The following HYAL4 variants were observed in gnomAD, a reference collection of about 807,000 sequenced individuals.
HYAL4 encodes the protein hyaluronidase 4.
Under a neutral mutation model 35.2 loss-of-function variants are expected in HYAL4, and 37 were observed. The ratio of observed to expected loss-of-function variants is 1.05; its 90% confidence interval spans 0.81 to 1.38. The LOEUF is 1.38. HYAL4 is among the 40% of genes most tolerant of loss of function. The probability of loss-of-function intolerance (pLI) is 0.00; values close to 1 mark genes in which losing one functional copy is unlikely to be tolerated. For synonymous variants in HYAL4, 198 were observed against 203.2 expected, an observed-to-expected ratio of 0.97 and a Z score of 0.22; for missense variants, 572 against 572.4, an observed-to-expected ratio of 1.00 and a Z score of 0.01.
At chr7:123,797,979 A>T in the HYAL4 span, among the ~76,000 whole-genome samples, 1 of 152,244 alleles carries the variant, frequency 6.6e-6, no homozygotes. Flanking sequence ...ATTCCTCAAT[A>T]AGCAAGTCCA....
At chr7:123,824,653 TC>T (rs1214142242), upstream of HYAL4, among the ~76,000 whole-genome samples, 1 of 152,036 alleles carries the variant, frequency 6.6e-6, no homozygotes. Flanking sequence ...CCTTGAAACT[TC>T]CCCTTTACTT....
At chr7:123,849,194 A>C (rs1195239987) in intron 2 of HYAL4, among the ~76,000 whole-genome samples, 3 of 152,062 alleles carry the variant, frequency 2.0e-5, no homozygotes, top group Non-Finnish European at 4.4e-5. Context: ...ATAAAGTGAA[A>C]ATTTGAAAAA....
At chr7:123,832,476 ATACTTTTTTTTTTTTTTTTTTTTTTT>A (rs1479688771) in intron 1 of HYAL4, among the ~76,000 whole-genome samples, 3 of 58,442 alleles carry the variant, frequency 5.1e-5, no homozygotes, top group South Asian at 6.6e-4. Flanking sequence ...CTATTGTGTC[ATACTTTTTTTTTTTTTTTTTTTTTTT>A]TTTTTTTTTT....
intron 2 of HYAL4, among the ~76,000 whole-genome samples, chr7:123,857,959 G>A (rs1259659946): frequency 6.6e-6 from 1 of 152,004 alleles, no homozygotes; most frequent in Non-Finnish European, 1.5e-5. Flanking sequence ...CACTTTGGGA[G>A]GCTGAGGCAA....
chr7:123,864,112 G>A (rs1053488547), intron 2 of HYAL4, among the ~76,000 whole-genome samples: 5 of 152,136 alleles, frequency 3.3e-5, no homozygotes, highest in African/African-American at 7.2e-5. Context: ...TCTGGTCAGG[G>A]TAAGAAGATT....
At chr7:123,795,409 A>G in the HYAL4 span, among the ~76,000 whole-genome samples, 5 of 152,168 alleles carry the variant, frequency 3.3e-5, no homozygotes, top group Admixed American at 6.5e-5. Context: ...GTGGAATAAT[A>G]TGGTTTGGCT....
intron 2 of HYAL4, among the ~76,000 whole-genome samples, chr7:123,856,931 G>A (rs528787931): frequency 9.2e-5 from 14 of 152,256 alleles, no homozygotes; most frequent in Middle Eastern, 3.4e-3. Context: ...TGGCTTTGCC[G>A]AGCTGTGGTG....
the HYAL4 span, among the ~76,000 whole-genome samples, chr7:123,770,440 TAAAAA>T: frequency 0.011 from 1,257 of 118,502 alleles, 21 homozygotes; most frequent in African/African-American, 0.037. Context: ...AGACTCCATC[TAAAAA>T]AAAAAAAAAA....
At chr7:123,863,576 G>A (rs1180414459) in intron 2 of HYAL4, among the ~76,000 whole-genome samples, 3 of 152,178 alleles carry the variant, frequency 2.0e-5, no homozygotes, top group South Asian at 2.1e-4. Flanking sequence ...AAGCAGAGGC[G>A]TTCCTGTGAT....
At chr7:123,777,919 GT>G in the HYAL4 span, among the ~76,000 whole-genome samples, 37 of 141,256 alleles carry the variant, frequency 2.6e-4, no homozygotes, top group South Asian at 6.8e-4. Flanking sequence ...TTCTTCGTTA[GT>G]TTTTTTTTTT....
At chr7:123,812,075 C>T in the HYAL4 span, among the ~76,000 whole-genome samples, 1 of 151,988 alleles carries the variant, frequency 6.6e-6, no homozygotes, top group Non-Finnish European at 1.5e-5. Flanking sequence ...CTCCTGACCT[C>T]GTGATCTGCC....
intron 1 of HYAL4, among the ~76,000 whole-genome samples, chr7:123,838,509 G>T (rs900566589): frequency 2.0e-5 from 3 of 151,580 alleles, no homozygotes; most frequent in African/African-American, 4.8e-5. Context: ...TATAGTTTTT[G>T]TATGGCTTTT....
At chr7:123,840,661 A>C (rs567436118), upstream of HYAL4, among the ~76,000 whole-genome samples, 8 of 151,904 alleles carry the variant, frequency 5.3e-5, no homozygotes, top group South Asian at 8.3e-4. Context: ...CTTTTATTTC[A>C]TTGAGCAGTG....
At chr7:123,785,787 C>G in the HYAL4 span, among the ~76,000 whole-genome samples, 5 of 152,112 alleles carry the variant, frequency 3.3e-5, no homozygotes, top group African/African-American at 1.2e-4. This position sits in a 1 kb window ranked among gnomAD's most constrained non-coding sequence, Gnocchi z 4.5. Flanking sequence ...CATGGACAGC[C>G]TCAGTTGAGT....
the HYAL4 span, among the ~76,000 whole-genome samples, chr7:123,771,810 T>G: frequency 5.9e-5 from 9 of 151,488 alleles, no homozygotes; most frequent in Admixed American, 5.9e-4. Flanking sequence ...TGAGGTTTTT[T>G]TTTTTTTTTT....
At chr7:123,779,122 A>T in the HYAL4 span, among the ~76,000 whole-genome samples, 14 of 152,220 alleles carry the variant, frequency 9.2e-5, no homozygotes, top group Non-Finnish European at 1.0e-4. Flanking sequence ...ATTTCAACTA[A>T]ACTTTATTGT....
At chr7:123,769,974 A>C in the HYAL4 span, among the ~76,000 whole-genome samples, 1 of 152,078 alleles carries the variant, frequency 6.6e-6, no homozygotes, top group African/African-American at 2.4e-5. Flanking sequence ...TATTTTCGCC[A>C]AGTAAAGTTT....
At chr7:123,858,664 CAGA>C (rs1806512137) in intron 2 of HYAL4, among the ~76,000 whole-genome samples, 1 of 152,100 alleles carries the variant, frequency 6.6e-6, no homozygotes, top group Non-Finnish European at 1.5e-5. Context: ...TTGATAAGAA[CAGA>C]ATAGACATCA....
intron 2 of HYAL4, among the ~76,000 whole-genome samples, chr7:123,863,503 G>A (rs1230335355): frequency 1.3e-5 from 2 of 152,126 alleles, no homozygotes; most frequent in Admixed American, 1.3e-4. Context: ...TTAGGTTTTG[G>A]CTGAGTGACT....
Sources: gnomAD v4.1 joint callset for allele counts (sites outside exome capture counted in the v4.1 genomes callset) on GRCh38, gnomAD v4.1.1 for gene constraint, Gnocchi (gnomAD v3.1) non-coding constraint, MANE v1.5 for transcripts, NCBI Gene and HGNC (gene_info 2026-07-23, HGNC 2026-07-21) for gene names.